GUCA1C: variants seen among roughly 807,000 people sequenced by gnomAD.
The protein encoded by GUCA1C is guanylyl cyclase-activating protein 3.
Under a neutral mutation model 16.2 loss-of-function variants are expected in GUCA1C, and 15 were observed. The ratio of observed to expected loss-of-function variants is 0.93; its 90% CI spans 0.62 to 1.43. The LOEUF is 1.43. Ranked by LOEUF, GUCA1C falls within the 40% of genes most tolerant of loss-of-function variation. The probability of loss-of-function intolerance (pLI) is 0.00; values close to 1 mark genes in which losing one functional copy is unlikely to be tolerated. For synonymous variants in GUCA1C, 78 were observed against 85.4 expected, an observed-to-expected ratio of 0.91 and a Z score of 0.48; for missense variants, 275 against 244.8, an observed-to-expected ratio of 1.12 and a Z score of -0.82.
At chr3:108,938,412 G>A (rs1237909539) in intron 1 of GUCA1C, among the ~76,000 whole-genome samples, 1 of 152,124 alleles carries the variant, frequency 6.6e-6, no homozygotes, top group Non-Finnish European at 1.5e-5. Context: ...CAGATGGTCA[G>A]AAGTAAGGAA....
intron 1 of GUCA1C, among the ~76,000 whole-genome samples, chr3:108,922,649 T>C (rs898176826): frequency 1.3e-5 from 2 of 152,148 alleles, no homozygotes; most frequent in Admixed American, 6.6e-5. Context: ...CTTTTGAGAA[T>C]TGTCTATTCA....
chr3:108,921,088 C>T (rs564793682), intron 1 of GUCA1C, among the ~76,000 whole-genome samples: 220 of 152,292 alleles, frequency 1.4e-3, no homozygotes, highest in Middle Eastern at 0.01. Context: ...TGTGCTGTGC[C>T]TATTTAATCT....
At chr3:108,919,836 C>T (rs916310129) in intron 2 of GUCA1C, among the ~76,000 whole-genome samples, 1 of 152,070 alleles carries the variant, frequency 6.6e-6, no homozygotes, top group African/African-American at 2.4e-5. Context: ...TTAATTACAC[C>T]TCTTATCTTC....
rs558468148 is a variant in GUCA1C, at chr3:108,941,258, CCT to C, written c.204+12299_204+12300del. On this transcript the variant is annotated intron_variant, in intron 1 of 3. Transcript: ENST00000261047. ...GTTTCTAAGAATTCACTCATCATCC[CCT>C]CAGTCCTGATGTCCAGGCTTTGGCT... Among the ~76,000 whole-genome samples the C allele has an allele frequency of 4.7e-3, 712 of 152,306 alleles. 8 individuals carry two copies. Among genetic ancestry groups the C allele is most frequent in the African/African-American group, 0.016 (682 of 41,572 alleles).
intron 1 of GUCA1C, among the ~76,000 whole-genome samples, chr3:108,942,933 C>T (rs772140647): frequency 6.6e-6 from 1 of 152,194 alleles, no homozygotes; most frequent in African/African-American, 2.4e-5. Flanking sequence ...TCCTGGCAAT[C>T]TCTCCTGTCA....
chr3:108,911,220 C>T (rs973620201), intron 3 of GUCA1C, among the ~76,000 whole-genome samples: 3 of 152,058 alleles, frequency 2.0e-5, no homozygotes, highest in Admixed American at 6.6e-5. Context: ...GTTGATATTC[C>T]TAAATCGTGC....
At chr3:108,922,154 TACACAAACACAC>T (rs1192544809) in intron 1 of GUCA1C, among the ~76,000 whole-genome samples, 49 of 91,128 alleles carry the variant, frequency 5.4e-4, no homozygotes, top group Non-Finnish European at 9.5e-4. Context: ...CACACACACA[TACACAAACACAC>T]ACACACACAC....
chr3:108,935,932 A>G (rs150714891), intron 1 of GUCA1C, among the ~76,000 whole-genome samples: 339 of 152,246 alleles, frequency 2.2e-3, no homozygotes, highest in African/African-American at 7.9e-3. Context: ...TGTTTTCAGG[A>G]TATGATCAAT....
chr3:108,931,795 A>G (rs1946668596), intron 1 of GUCA1C, among the ~76,000 whole-genome samples: 1 of 151,984 alleles, frequency 6.6e-6, no homozygotes, highest in Admixed American at 6.5e-5. Flanking sequence ...TGTGACTAAG[A>G]AGGATGCAAT....
chr3:108,938,474 G>A lies in GUCA1C; in HGVS notation c.204+15085C>T, dbSNP rs72935307. Among the ~76,000 whole-genome samples, 1,465 of 152,256 alleles carry A rather than the reference G, an allele frequency of 9.6e-3. 24 individuals carry two copies. The highest frequency in any genetic ancestry group is 0.032 in the African/African-American group (1,348 of 41,526). On this transcript the variant is annotated intron_variant, in intron 1 of 3. Coordinates refer to ENST00000261047, the MANE Select transcript of GUCA1C (RefSeq NM_005459.4). ...ACACAATTGATCAATAATTGTCAGTGACATTTAATTTACATTTTAGGAACT... is the reference window on the plus strand; with the variant it reads ...ACACAATTGATCAATAATTGTCAGTAACATTTAATTTACATTTTAGGAACT...
chr3:108,948,314 C>T (rs932195655), intron 1 of GUCA1C, among the ~76,000 whole-genome samples: 4 of 152,154 alleles, frequency 2.6e-5, no homozygotes, highest in South Asian at 2.1e-4. Context: ...CTTTCCCCTT[C>T]GCCCTCTCTC....
intron 3 of GUCA1C, among the ~76,000 whole-genome samples, chr3:108,915,320 G>A (rs752829485): frequency 1.3e-5 from 2 of 152,292 alleles, no homozygotes; most frequent in East Asian, 3.9e-4. Context: ...CCTCTTATCC[G>A]TTTTCTTAAA....
intron 1 of GUCA1C, among the ~76,000 whole-genome samples, chr3:108,926,086 C>CA (rs71106606): frequency 1.2e-3 from 164 of 141,292 alleles, no homozygotes; most frequent in Middle Eastern, 7.1e-3. Flanking sequence ...GACTCCATCT[C>CA]AAAAAAAAAA....
chr3:108,910,763 T>C (rs915365650), intron 3 of GUCA1C, among the ~76,000 whole-genome samples: 13 of 151,530 alleles, frequency 8.6e-5, no homozygotes, highest in South Asian at 6.3e-4. Context: ...CATTCTCCTG[T>C]CTCAGCCTCC....
rs894907415 is a variant in GUCA1C at position 108,919,550 on chromosome 3, C to T, written c.354+886G>A. On this transcript the variant is annotated intron_variant, in intron 2 of 3. Coordinates refer to ENST00000261047, the MANE Select transcript of GUCA1C (RefSeq NM_005459.4). ...ATTAGCAATATCGGTATTATCCTAC[C>T]CTTGAATTCTTTCCATATGTTGGTT... Among the ~76,000 whole-genome samples, 6 of 152,130 alleles carry T rather than the reference C, an allele frequency of 3.9e-5. No homozygotes were observed. In the East Asian group the frequency reaches 9.7e-4, roughly 25 times the overall value.
chr3:108,920,782 G>A (rs1342231057), intron 1 of GUCA1C, among the ~76,000 whole-genome samples, 197 bp from the exon 2 acceptor site: 2 of 151,960 alleles, frequency 1.3e-5, no homozygotes, highest in African/African-American at 2.4e-5. Flanking sequence ...ACAATTAAGC[G>A]CCTTAAGTAA....
intron 1 of GUCA1C, among the ~76,000 whole-genome samples, chr3:108,922,673 C>CT (rs1187096106): frequency 1.3e-5 from 2 of 152,070 alleles, no homozygotes; most frequent in Non-Finnish European, 2.9e-5. Context: ...CCTTAGCCCA[C>CT]TTTTTTATTA....
intron 1 of GUCA1C, among the ~76,000 whole-genome samples, chr3:108,952,289 C>A (rs1189880057): frequency 6.6e-6 from 1 of 152,204 alleles, no homozygotes; most frequent in Non-Finnish European, 1.5e-5. Flanking sequence ...CTGGAACACA[C>A]TTCCAGGATT....
chr3:108,943,776 C>T (rs1202102970), intron 1 of GUCA1C, among the ~76,000 whole-genome samples: 1 of 152,134 alleles, frequency 6.6e-6, no homozygotes, highest in African/African-American at 2.4e-5. Context: ...CCTCACGCCC[C>T]CCTCACTTTT....
Sources: gnomAD v4.1 joint callset for allele counts (sites outside exome capture counted in the v4.1 genomes callset) on GRCh38, gnomAD v4.1.1 for gene constraint, MANE v1.5 for transcripts, NCBI Gene and HGNC (gene_info 2026-07-23, HGNC 2026-07-21) for gene names.